FRMD4A: variants seen among roughly 807,000 people sequenced by gnomAD.
FRMD4A encodes the protein FERM domain-containing protein 4A.
A neutral mutation model predicts 129.1 loss-of-function variants in FRMD4A; 29 were observed. The observed-to-expected ratio is 0.22, with a 90% CI of 0.17 to 0.31. FRMD4A has a LOEUF of 0.31. Among genes scored for constraint, FRMD4A ranks in the 10% least tolerant of loss-of-function variants. FRMD4A has a pLI of 1.00. For missense variants in FRMD4A, 1,272 were observed against 1,375.8 expected, an observed-to-expected ratio of 0.92 and a Z score of 1.19; for synonymous variants, 634 against 571.6, an observed-to-expected ratio of 1.11 and a Z score of -1.56.
intron 12 of FRMD4A, among the ~76,000 whole-genome samples, chr10:13,735,387 G>A (rs541146072): frequency 3.0e-4 from 45 of 152,306 alleles, no homozygotes; most frequent in African/African-American, 1.1e-3. Context: ...ACCTGGATAA[G>A]TTCCATTCAT....
At chr10:13,780,937 C>A (rs1223792856) in intron 6 of FRMD4A, among the ~76,000 whole-genome samples, 2 of 152,210 alleles carry the variant, frequency 1.3e-5, no homozygotes, top group Middle Eastern at 3.4e-3. Flanking sequence ...TTGGAAATAA[C>A]CCGTGCCTTT....
chr10:13,675,776 G>T (rs1416358379), intron 15 of FRMD4A: 1 of 152,064 alleles, frequency 6.6e-6, no homozygotes, highest in African/African-American at 2.4e-5. Flanking sequence ...GATAATGTGT[G>T]TTTATGATGA....
intron 2 of FRMD4A, among the ~76,000 whole-genome samples, chr10:14,255,209 TC>T (rs2132025669): frequency 6.6e-6 from 1 of 152,142 alleles, no homozygotes; most frequent in Non-Finnish European, 1.5e-5. Context: ...GAAAGAAAAA[TC>T]ATTCCTCCCT....
intron 2 of FRMD4A, among the ~76,000 whole-genome samples, chr10:14,317,944 C>A (rs902614841): frequency 6.6e-6 from 1 of 152,082 alleles, no homozygotes; most frequent in Non-Finnish European, 1.5e-5. Context: ...AAAGGATGTA[C>A]ACTCAAAGGA....
intron 3 of FRMD4A, among the ~76,000 whole-genome samples, chr10:13,834,604 T>C (rs1190674193): frequency 6.6e-6 from 1 of 152,210 alleles, no homozygotes; most frequent in Non-Finnish European, 1.5e-5. Context: ...AAGAACTGAC[T>C]TCATCCCTCG....
intron 2 of FRMD4A, among the ~76,000 whole-genome samples, chr10:14,143,603 T>A (rs1337023357): frequency 6.6e-6 from 1 of 152,128 alleles, no homozygotes; most frequent in Non-Finnish European, 1.5e-5. Context: ...TTACAATAGT[T>A]TTTTGTTGTT....
chr10:14,117,773 G>A (rs1018066692), intron 2 of FRMD4A, among the ~76,000 whole-genome samples: 1 of 152,190 alleles, frequency 6.6e-6, no homozygotes, highest in Admixed American at 6.5e-5. Context: ...TGCCTTTCAG[G>A]CCGTGCCTTT....
At chr10:13,861,709 T>C (rs2094297603) in intron 2 of FRMD4A, among the ~76,000 whole-genome samples, 1 of 152,214 alleles carries the variant, frequency 6.6e-6, no homozygotes, top group Non-Finnish European at 1.5e-5. Flanking sequence ...CAGGTGTTAA[T>C]TGTCTTAGTG....
At chr10:14,015,150 TTTC>T (rs1332676218) in intron 2 of FRMD4A, among the ~76,000 whole-genome samples, 2 of 118,462 alleles carry the variant, frequency 1.7e-5, no homozygotes, top group Admixed American at 9.3e-5. Flanking sequence ...CCTTCCTTCC[TTTC>T]TTCTTTCCTT....
intron 3 of FRMD4A, among the ~76,000 whole-genome samples, chr10:13,854,849 T>C (rs958458884): frequency 2.0e-5 from 3 of 152,196 alleles, no homozygotes; most frequent in Non-Finnish European, 4.4e-5. Context: ...AACCTGCATG[T>C]GTCCACAACC....
At chr10:13,995,592 C>T (rs1243294398) in intron 2 of FRMD4A, among the ~76,000 whole-genome samples, 1 of 152,128 alleles carries the variant, frequency 6.6e-6, no homozygotes, top group East Asian at 1.9e-4. Context: ...CTCAGACAAA[C>T]ACAAGATGAT....
chr10:13,963,061 T>A (rs1368118554), intron 2 of FRMD4A, among the ~76,000 whole-genome samples: 2 of 152,222 alleles, frequency 1.3e-5, no homozygotes, highest in African/African-American at 4.8e-5. Context: ...TGCAAAAATA[T>A]GTTTCCGTGT....
At chr10:14,055,926 CTTA>C (rs1280081859) in intron 2 of FRMD4A, among the ~76,000 whole-genome samples, 1 of 152,142 alleles carries the variant, frequency 6.6e-6, no homozygotes, top group African/African-American at 2.4e-5. Flanking sequence ...AATAGTGGGT[CTTA>C]TTAATTCTCT....
intron 13 of FRMD4A, among the ~76,000 whole-genome samples, chr10:13,704,047 T>C (rs1334908541): frequency 1.3e-5 from 2 of 152,062 alleles, no homozygotes; most frequent in African/African-American, 4.8e-5. Context: ...CTCAAGGCCA[T>C]GGATACCCCA....
At chr10:13,728,804 T>C (rs2090110302) in intron 12 of FRMD4A, among the ~76,000 whole-genome samples, 2 of 151,928 alleles carry the variant, frequency 1.3e-5, no homozygotes, top group South Asian at 4.2e-4. Context: ...ACTCCTGACC[T>C]CAAGTGATCC....
chr10:14,025,303 T>C (rs1197198246), intron 2 of FRMD4A, among the ~76,000 whole-genome samples: 1 of 152,086 alleles, frequency 6.6e-6, no homozygotes, highest in Non-Finnish European at 1.5e-5. Context: ...AGTTTGCTTT[T>C]TTTTTTTAAC....
chr10:14,233,353 T>C (rs914104620), intron 2 of FRMD4A, among the ~76,000 whole-genome samples: 1 of 152,166 alleles, frequency 6.6e-6, no homozygotes, highest in South Asian at 2.1e-4. Context: ...GCAGATCACC[T>C]GAGGTCAGGA....
intron 2 of FRMD4A, among the ~76,000 whole-genome samples, chr10:14,237,908 C>G (rs1383317023): frequency 6.6e-6 from 1 of 152,196 alleles, no homozygotes; most frequent in African/African-American, 2.4e-5. Context: ...ACGCACAGCC[C>G]TGTTTTCTCA....
chr10:14,084,379 T>C (rs1044285680), intron 2 of FRMD4A, among the ~76,000 whole-genome samples: 1 of 152,232 alleles, frequency 6.6e-6, no homozygotes, highest in Non-Finnish European at 1.5e-5. Flanking sequence ...ACTCCTGACC[T>C]CAAGTGATCC....
Sources: gnomAD v4.1 joint callset for allele counts (sites outside exome capture counted in the v4.1 genomes callset) on GRCh38, gnomAD v4.1.1 for gene constraint, MANE v1.5 for transcripts, NCBI Gene and HGNC (gene_info 2026-07-23, HGNC 2026-07-21) for gene names.